Variants in MLH3 observed in about 807,000 individuals in gnomAD.
MLH3 encodes the protein DNA mismatch repair protein Mlh3.
A neutral mutation model predicts 122.2 loss-of-function variants in MLH3; 82 were observed. The ratio of observed to expected loss-of-function variants is 0.67; its 90% CI spans 0.56 to 0.81. The LOEUF (loss-of-function observed/expected upper bound fraction) is 0.81, where lower values mean the gene tolerates loss of function less well. MLH3 is among the 30% of genes least tolerant of loss of function. MLH3 has a pLI of 0.00. For synonymous variants in MLH3, 524 were observed against 599.5 expected, an observed-to-expected ratio of 0.87 and a Z score of 1.84; for missense variants, 1,539 against 1,714.5, an observed-to-expected ratio of 0.90 and a Z score of 1.81.
intron 9 of MLH3, among the ~76,000 whole-genome samples, chr14:75,028,725 C>T (rs541007454): frequency 1.0e-3 from 157 of 151,612 alleles, no homozygotes; most frequent in African/African-American, 3.5e-3. Context: ...GCCTGATTTC[C>T]CCAAATCTTA....
intron 12 of MLH3, among the ~76,000 whole-genome samples, chr14:75,018,201 A>T (rs1381663014): frequency 6.6e-6 from 1 of 152,174 alleles, no homozygotes; most frequent in African/African-American, 2.4e-5. Flanking sequence ...CATTCCTGTT[A>T]TGTTCTCCAT....
Position 75,041,669 on chromosome 14 carries a change from C to G in MLH3, c.3411G>C (p.Ser1137=). The change falls in exon 4 of 13, where the codon TCG becomes TCC. Residue 1137 remains serine, a synonymous_variant. Coordinates refer to ENST00000355774, the MANE Select transcript of MLH3 (RefSeq NM_001040108.2). Reference sequence around the variant, plus strand: ...CCCATTCTGAGAACAAAGACTGAAGCGATTCGCTACTAACAGTATCATCCA... The same window carrying G: ...CCCATTCTGAGAACAAAGACTGAAGGGATTCGCTACTAACAGTATCATCCA... The part of the protein sequence containing the change: ...DTVDDTVSSE[S]LQSLFSEWDN... 1 of 1,613,982 alleles carries G rather than the reference C, an allele frequency of 6.2e-7. No homozygotes were observed. Among genetic ancestry groups the G allele is most frequent in the Non-Finnish European group, 8.5e-7 (1 of 1,179,928 alleles).
Position 75,015,932 on chromosome 14 carries a change from A to G in MLH3, c.*1150T>C. On this transcript the variant is annotated 3_prime_UTR_variant, in exon 13 of 13. Coordinates refer to ENST00000355774, the MANE Select transcript of MLH3 (RefSeq NM_001040108.2). Reference sequence around the variant, plus strand: ...ACTTTGAGCAGGCTGGTCAGGAAATACAAAAGTAGAAATTCTCATTGCATC... The same window carrying G: ...ACTTTGAGCAGGCTGGTCAGGAAATGCAAAAGTAGAAATTCTCATTGCATC... 4.3e-6 allele frequency: 1 copy of G among 231,670 alleles called. No individual in the cohort carries two copies. Among genetic ancestry groups the G allele is most frequent in the Middle Eastern group, 1.3e-3 (1 of 772 alleles). 14.4% of individuals were successfully genotyped at this position (231,670 alleles called of 1,614,324 possible). A position where few individuals can be genotyped will look rare whatever the true frequency, so the allele number is the denominator to read the frequency against.
chr14:75,042,361 ACT>A lies in MLH3; in HGVS notation c.3379+16_3379+17del. On this transcript the variant is annotated intron_variant, in intron 3 of 12. Transcript: ENST00000355774. ...TACGATGTGTACTGTGTGCCCCAGC[ACT>A]CTCTGCCACCCTTACCTCTGTTATC... 1.2e-6 allele frequency: 2 copies of A among 1,605,940 alleles called. No homozygotes were observed. The highest frequency in any genetic ancestry group is 1.7e-6 in the Non-Finnish European group (2 of 1,172,830).
At chr14:75,031,261 T>C (rs969046148) in intron 8 of MLH3, among the ~76,000 whole-genome samples, 1 of 152,220 alleles carries the variant, frequency 6.6e-6, no homozygotes, top group African/African-American at 2.4e-5. Flanking sequence ...ATATCCTATC[T>C]TGTGACTCAC....
At position 75,016,755 on chromosome 14, in the gene MLH3, C is replaced by A; in HGVS notation, c.*327G>T. On this transcript the variant is annotated 3_prime_UTR_variant, in exon 13 of 13. Transcript: ENST00000355774. Reference sequence around the variant, plus strand: ...AAACTGTACAAAAACAAAAATCACACCCTTCAAATAACAAACCAAGCAACC... The same window carrying A: ...AAACTGTACAAAAACAAAAATCACAACCTTCAAATAACAAACCAAGCAACC... The A allele has an allele frequency of 6.1e-6, 2 of 325,612 alleles. No individual in the cohort carries two copies. The highest frequency in any genetic ancestry group is 4.4e-5 in the Admixed American group (1 of 22,578). The allele number at this position is 325,612 out of a possible 1,614,324, so 20.2% of individuals were successfully genotyped here.
intron 6 of MLH3, among the ~76,000 whole-genome samples, chr14:75,036,082 A>G (rs1891382400): frequency 6.6e-6 from 1 of 152,196 alleles, no homozygotes; most frequent in African/African-American, 2.4e-5. Context: ...TGGTTTTCCA[A>G]CATAACATTC....
intron 9 of MLH3, among the ~76,000 whole-genome samples, chr14:75,023,821 T>C (rs192031481): frequency 2.4e-3 from 366 of 152,330 alleles, no homozygotes; most frequent in Non-Finnish European, 3.9e-3. Context: ...GATTACAACA[T>C]GGTACCTTTT....
At position 75,048,156 on chromosome 14, in the gene MLH3, C is replaced by A. The variant is rs554385170; in HGVS notation, c.1500G>T (p.Pro500=). 1 of 1,614,116 alleles carries A rather than the reference C, an allele frequency of 6.2e-7. No homozygotes were observed. Among genetic ancestry groups the A allele is most frequent in the Non-Finnish European group, 8.5e-7 (1 of 1,179,986 alleles). Residue 500 remains proline, a synonymous_variant, in exon 2 of 13, where the codon CCG becomes CCT. Coordinates refer to ENST00000355774, the MANE Select transcript of MLH3 (RefSeq NM_001040108.2). The part of the protein sequence containing the change: ...SFLEHSSLEN[P]CGTSLEMFLS... ...AAAACATTTCTAAACTGGTTCCACACGGATTTTCTAAAGAGCTATGTTCCA... is the reference window on the plus strand; with the variant it reads ...AAAACATTTCTAAACTGGTTCCACAAGGATTTTCTAAAGAGCTATGTTCCA...
chr14:75,034,920 G>A (rs1051141767), intron 6 of MLH3, among the ~76,000 whole-genome samples: 1 of 151,652 alleles, frequency 6.6e-6, no homozygotes, highest in Non-Finnish European at 1.5e-5. Context: ...AGAATTAGCC[G>A]GGCGTGGTGG....
chr14:75,047,743 G>A lies in MLH3; in HGVS notation c.1913C>T (p.Ala638Val), dbSNP rs2139573593. ...TGTTCTATTTCCAAATGTTTCTTGG[G>A]CACGTGTGGGACCAGGTCTAACATA... is the stretch of plus-strand genomic sequence containing the variant. ...KNYVRPGPTR[A>V]QETFGNRTRH... Residue 638 changes from alanine to valine, a missense_variant, in exon 2 of 13, where the codon GCC becomes GTC. Transcript: ENST00000355774. 6.2e-7 allele frequency: 1 copy of A among 1,614,072 alleles called. No homozygotes were observed. The highest frequency in any genetic ancestry group is 1.3e-5 in the African/African-American group (1 of 75,014).
Position 75,016,977 on chromosome 14 carries a change from T to G in MLH3, c.*105A>C. The G allele has an allele frequency of 7.3e-7, 1 of 1,378,244 alleles. No individual in the cohort carries two copies. Among genetic ancestry groups the G allele is most frequent in the South Asian group, 1.2e-5 (1 of 85,642 alleles). The allele number at this position is 1,378,244 out of a possible 1,614,324, so 85.4% of individuals were successfully genotyped here. A position where few individuals can be genotyped will look rare whatever the true frequency, so the allele number is the denominator to read the frequency against. On this transcript the variant is annotated 3_prime_UTR_variant, in exon 13 of 13. Coordinates refer to ENST00000355774, the MANE Select transcript of MLH3 (RefSeq NM_001040108.2). ...TGCTGTCTAAGCTGCTCAGGGACACTGGGCTGATTCAGTCAGGGCCGTGCT... is the reference window on the plus strand; with the variant it reads ...TGCTGTCTAAGCTGCTCAGGGACACGGGGCTGATTCAGTCAGGGCCGTGCT...
At chr14:75,050,880 C>T (rs1291814297) in intron 1 of MLH3, 1 of 152,238 alleles carries the variant, frequency 6.6e-6, no homozygotes, top group Admixed American at 6.5e-5. Context: ...TTAAAGGTCT[C>T]CCCTTCTTCT....
At chr14:75,033,557 A>T in intron 6 of MLH3, 67 bp from the exon 7 acceptor site, 1 of 1,189,100 alleles carries the variant, frequency 8.4e-7, no homozygotes, top group Non-Finnish European at 1.3e-6. Flanking sequence ...TGTGTTGAGG[A>T]CAGAGAAGAC....
chr14:75,037,771 A>C (rs1891520457), intron 6 of MLH3, among the ~76,000 whole-genome samples: 3 of 152,038 alleles, frequency 2.0e-5, no homozygotes, highest in African/African-American at 7.2e-5. Context: ...TGGGCAATAT[A>C]GCGAGACCCC....
intron 5 of MLH3, among the ~76,000 whole-genome samples, 157 bp downstream of exon 5, chr14:75,039,754 G>A (rs1054582023): frequency 3.7e-5 from 1 of 26,810 alleles, no homozygotes; most frequent in South Asian, 1.4e-3. Context: ...AAAAGTTCTA[G>A]TAAGAACACA....
At chr14:75,037,407 A>G (rs1891494191) in intron 6 of MLH3, among the ~76,000 whole-genome samples, 1 of 152,140 alleles carries the variant, frequency 6.6e-6, no homozygotes, top group Non-Finnish European at 1.5e-5. Flanking sequence ...TTTCTCTTGC[A>G]TATATATCTT....
Position 75,038,396 on chromosome 14 carries a change from T to G in MLH3, c.3587A>C (p.Asp1196Ala). The change falls in exon 6 of 13, where the codon GAT becomes GCT. Residue 1196 changes from aspartate to alanine, a missense_variant. By Grantham distance (126) the Asp-to-Ala change is moderately radical. Coordinates refer to ENST00000355774, the MANE Select transcript of MLH3 (RefSeq NM_001040108.2). ...IHSMQVLQQV[D>A]NKFIACLMST... ...CATCAAACAGGCAATAAACTTGTTA[T>G]CTACTTGCTGGAGAACCTGTCAGAC... The G allele has an allele frequency of 6.2e-7, 1 of 1,613,024 alleles. No individual in the cohort carries two copies. Among genetic ancestry groups the G allele is most frequent in the Non-Finnish European group, 8.5e-7 (1 of 1,179,050 alleles).
chr14:75,029,244 A>G (rs1890879027), intron 9 of MLH3, among the ~76,000 whole-genome samples: 1 of 152,190 alleles, frequency 6.6e-6, no homozygotes, highest in Non-Finnish European at 1.5e-5. Context: ...ATGAATCATC[A>G]TAAAGGTCTT....
Sources: allele counts gnomAD v4.1 joint callset (sites outside exome capture counted in the v4.1 genomes callset), GRCh38; gene constraint gnomAD v4.1.1; transcripts MANE v1.5; gene names NCBI Gene and HGNC (gene_info 2026-07-23, HGNC 2026-07-21).